Variants in GRIK1 observed in about 807,000 individuals in gnomAD.
GRIK1 encodes glutamate receptor ionotropic, kainate 1.
GRIK1 carries 69 observed loss-of-function variants against 105.7 expected under a neutral mutation model. The observed-to-expected ratio is 0.65, with a 90% CI of 0.54 to 0.80. GRIK1 has a LOEUF of 0.80. GRIK1 is among the 30% of genes least tolerant of loss of function. GRIK1 has a pLI of 0.00. For synonymous variants in GRIK1, 438 were observed against 431.3 expected, an observed-to-expected ratio of 1.02 and a Z score of -0.19; for missense variants, 1,109 against 1,167.3, an observed-to-expected ratio of 0.95 and a Z score of 0.73.
chr21:29,540,850 T>C (rs986054254), intron 16 of GRIK1, among the ~76,000 whole-genome samples: 2 of 152,212 alleles, frequency 1.3e-5, no homozygotes, highest in African/African-American at 4.8e-5. Context: ...GGAGGCGGGA[T>C]ACTCAGGTAG....
intron 9 of GRIK1, among the ~76,000 whole-genome samples, chr21:29,591,873 A>G (rs193161998): frequency 6.6e-6 from 1 of 151,922 alleles, no homozygotes; most frequent in African/African-American, 2.4e-5. Context: ...ACAGAGTGAG[A>G]CCCGATCTAT....
In GRIK1 at chr21:29,758,384, T is replaced by A. The variant is rs540403332; in HGVS notation, c.119-64321A>T. On this transcript the variant is annotated intron_variant, in intron 1 of 17. Coordinates refer to ENST00000327783, the MANE Select transcript of GRIK1 (RefSeq NM_001330994.2). Reference sequence around the variant, plus strand: ...ATGAGGAGCAAAGTCACGTCTTCCATGGTGGTGGGTAAGAGAGCTTGTATA... The same window carrying A: ...ATGAGGAGCAAAGTCACGTCTTCCAAGGTGGTGGGTAAGAGAGCTTGTATA... Among the ~76,000 whole-genome samples, 6 of 152,240 alleles carry A rather than the reference T, an allele frequency of 3.9e-5. No homozygotes were observed. The East Asian group carries it at 1.2e-3, about 29-fold the overall frequency.
chr21:29,728,567 C>T (rs983262357), intron 1 of GRIK1, among the ~76,000 whole-genome samples: 11 of 152,148 alleles, frequency 7.2e-5, no homozygotes, highest in African/African-American at 2.7e-4. Context: ...TAAATCATTA[C>T]ATCACAGTGT....
intron 1 of GRIK1, among the ~76,000 whole-genome samples, chr21:29,751,263 T>G (rs551866629): frequency 6.6e-6 from 1 of 152,238 alleles, no homozygotes; most frequent in Non-Finnish European, 1.5e-5. Context: ...ATATATCTTA[T>G]TTGATATACC....
In GRIK1 at chr21:29,728,850, C is replaced by T. The variant is rs554716908; in HGVS notation, c.119-34787G>A. Among the ~76,000 whole-genome samples, 5 of 152,118 alleles carry T rather than the reference C, an allele frequency of 3.3e-5. No homozygotes were observed. The East Asian group carries it at 9.6e-4, about 29-fold the overall frequency. On this transcript the variant is annotated intron_variant, in intron 1 of 17. Coordinates refer to ENST00000327783, the MANE Select transcript of GRIK1 (RefSeq NM_001330994.2). ...GAGATGGCAGCTGGTAACAAGAAAT[C>T]AAAGAGAAAACTAGAAGGATTAAGT...
intron 16 of GRIK1, among the ~76,000 whole-genome samples, chr21:29,549,844 T>C (rs373258860): frequency 6.6e-6 from 1 of 151,914 alleles, no homozygotes; most frequent in African/African-American, 2.4e-5. Context: ...CGGAGGCTTA[T>C]GGCTGTAATC....
At chr21:29,633,608 T>C (rs927019594) in intron 7 of GRIK1, among the ~76,000 whole-genome samples, 3 of 152,190 alleles carry the variant, frequency 2.0e-5, no homozygotes, top group African/African-American at 4.8e-5. Context: ...AAGATGTTTA[T>C]ATATAAGACA....
At chr21:29,642,712 T>A in intron 7 of GRIK1, 114 bp downstream of exon 7, 5 of 856,376 alleles carry the variant, frequency 5.8e-6, no homozygotes, top group Non-Finnish European at 9.1e-6. Context: ...TGATGATGGC[T>A]TCCTCTCTCT....
intron 9 of GRIK1, among the ~76,000 whole-genome samples, 167 bp from the exon 10 acceptor site, chr21:29,591,392 A>G (rs2061332149): frequency 6.6e-6 from 1 of 152,198 alleles, no homozygotes; most frequent in African/African-American, 2.4e-5. Flanking sequence ...CAGAGGAATG[A>G]ATGTGTAGAC....
At chr21:29,878,568 G>A (rs915779658) in intron 1 of GRIK1, among the ~76,000 whole-genome samples, 1 of 152,230 alleles carries the variant, frequency 6.6e-6, no homozygotes, top group South Asian at 2.1e-4. Flanking sequence ...AGACTGAATG[G>A]TTGTGTTTCA....
chr21:29,543,888 G>A (rs1206527198), intron 16 of GRIK1, among the ~76,000 whole-genome samples: 1 of 152,156 alleles, frequency 6.6e-6, no homozygotes, highest in African/African-American at 2.4e-5. Context: ...ACTCTCGAAA[G>A]CCCCTGTCTT....
At chr21:29,640,798 C>T (rs903364855) in intron 7 of GRIK1, among the ~76,000 whole-genome samples, 5 of 151,950 alleles carry the variant, frequency 3.3e-5, no homozygotes, top group Admixed American at 6.6e-5. Context: ...ATCAGGATGG[C>T]GATTCAGGAC....
intron 7 of GRIK1, among the ~76,000 whole-genome samples, chr21:29,616,540 A>G (rs550342375): frequency 8.5e-5 from 13 of 152,298 alleles, no homozygotes; most frequent in Admixed American, 2.0e-4. Context: ...TCGTGTTTCT[A>G]TCATCACATT....
chr21:29,856,302 T>C (rs1422428900), intron 1 of GRIK1, among the ~76,000 whole-genome samples: 1 of 152,074 alleles, frequency 6.6e-6, no homozygotes, highest in Non-Finnish European at 1.5e-5. Flanking sequence ...AGGTGGAAAA[T>C]TATCAGCATA....
intron 7 of GRIK1, among the ~76,000 whole-genome samples, chr21:29,602,025 C>T (rs754183384): frequency 7.9e-5 from 12 of 152,102 alleles, no homozygotes; most frequent in Non-Finnish European, 1.8e-4. Context: ...CTAAAAATAG[C>T]GAAATATCTT....
chr21:29,752,398 C>G (rs2065228673), intron 1 of GRIK1, among the ~76,000 whole-genome samples: 1 of 152,168 alleles, frequency 6.6e-6, no homozygotes, highest in African/African-American at 2.4e-5. Context: ...TGATTATATG[C>G]TGTGAGCATG....
chr21:29,781,804 G>A (rs1390027154), intron 1 of GRIK1, among the ~76,000 whole-genome samples: 2 of 146,462 alleles, frequency 1.4e-5, no homozygotes, highest in African/African-American at 4.9e-5. Flanking sequence ...CCCAGTAGCT[G>A]GGACTACAGG....
chr21:29,703,857 T>C (rs979302178), intron 1 of GRIK1, among the ~76,000 whole-genome samples: 1 of 152,242 alleles, frequency 6.6e-6, no homozygotes, highest in African/African-American at 2.4e-5. Flanking sequence ...TGGGGTTTGA[T>C]GTCACCGTTG....
At chr21:29,748,810 C>A (rs74411656) in intron 1 of GRIK1, 10 of 152,180 alleles carry the variant, frequency 6.6e-5, no homozygotes, top group East Asian at 1.9e-4. Context: ...CAAATTAACA[C>A]CCTTTTCATA....
Sources: gnomAD v4.1 joint callset for allele counts (sites outside exome capture counted in the v4.1 genomes callset) on GRCh38, gnomAD v4.1.1 for gene constraint, MANE v1.5 for transcripts, NCBI Gene and HGNC (gene_info 2026-07-23, HGNC 2026-07-21) for gene names.